Variants in DGKI observed in about 807,000 individuals in gnomAD.
The protein encoded by DGKI is DAG kinase iota.
In DGKI, 55 loss-of-function variants were observed where a neutral mutation model predicts 147.5. That is an observed-to-expected ratio of 0.37 (90% confidence interval 0.30 to 0.47). The LOEUF (loss-of-function observed/expected upper bound fraction) is 0.47. DGKI is among the 20% of genes least tolerant of loss of function. The pLI, the probability that DGKI is intolerant of heterozygous loss-of-function variation, is 1.00. For missense variants in DGKI, 1,007 were observed against 1,323.8 expected (o/e 0.76, Z 3.71); for synonymous variants, 469 against 477.1 (o/e 0.98, Z 0.22).
At chr7:137,559,272 C>T (rs1236246010) in intron 19 of DGKI, among the ~76,000 whole-genome samples, 4 of 150,800 alleles carry the variant, frequency 2.7e-5, no homozygotes, top group Admixed American at 1.3e-4. Context: ...GGGGTTTCAC[C>T]GTTATAGCCG....
At chr7:137,759,344 T>C (rs937086416) in intron 1 of DGKI, among the ~76,000 whole-genome samples, 2 of 152,138 alleles carry the variant, frequency 1.3e-5, no homozygotes, top group South Asian at 2.1e-4. Flanking sequence ...CTTTTTTTTT[T>C]TTCTTTATTT....
At chr7:137,682,829 T>C (rs1015843104) in intron 2 of DGKI, among the ~76,000 whole-genome samples, 5 of 152,182 alleles carry the variant, frequency 3.3e-5, no homozygotes, top group African/African-American at 1.2e-4. Context: ...AGTCAGGCTT[T>C]TGGAATCCTC....
chr7:137,770,474 T>C (rs922563539), intron 1 of DGKI, among the ~76,000 whole-genome samples: 6 of 150,874 alleles, frequency 4.0e-5, no homozygotes, highest in Non-Finnish European at 8.9e-5. Flanking sequence ...CCAAAACTTA[T>C]AAGTAAAACA....
chr7:137,444,141 A>T (rs1315085728), intron 27 of DGKI, 39 bp from the exon 28 acceptor site: 2 of 1,159,948 alleles, frequency 1.7e-6, no homozygotes, highest in East Asian at 2.6e-5. Context: ...ATTTTATATG[A>T]TAATTATAAT....
intron 1 of DGKI, among the ~76,000 whole-genome samples, chr7:137,838,213 C>T (rs1314631000): frequency 2.0e-5 from 3 of 151,928 alleles, no homozygotes; most frequent in African/African-American, 7.3e-5. Context: ...CCATGTTGGC[C>T]AGGATGGTCT....
chr7:137,472,622 CAT>C (rs1815026491), intron 23 of DGKI, among the ~76,000 whole-genome samples: 1 of 150,996 alleles, frequency 6.6e-6, no homozygotes, highest in Non-Finnish European at 1.5e-5. Context: ...TATATTTTGA[CAT>C]GTGTGACAAC....
At chr7:137,527,932 T>C (rs998219688) in intron 20 of DGKI, among the ~76,000 whole-genome samples, 3 of 152,244 alleles carry the variant, frequency 2.0e-5, no homozygotes, top group African/African-American at 4.8e-5. Context: ...TATGAATTTA[T>C]AGTGTGAATT....
intron 27 of DGKI, among the ~76,000 whole-genome samples, chr7:137,452,156 G>T (rs1320789118): frequency 6.6e-6 from 1 of 152,200 alleles, no homozygotes; most frequent in Non-Finnish European, 1.5e-5. Context: ...ACCTGGTGGG[G>T]AGTTGGCCAA....
intron 28 of DGKI, among the ~76,000 whole-genome samples, chr7:137,418,079 T>C (rs1427865399): frequency 6.6e-6 from 1 of 152,190 alleles, no homozygotes; most frequent in African/African-American, 2.4e-5. Context: ...ACAAAACAAA[T>C]GTCATCATGG....
In DGKI at chr7:137,521,925, T is replaced by C; in HGVS notation, c.2189A>G (p.Lys730Arg). 6.2e-7 allele frequency: 1 copy of C among 1,612,118 alleles called. No individual in the cohort carries two copies. Among genetic ancestry groups the C allele is most frequent in the Non-Finnish European group, 8.5e-7 (1 of 1,178,820 alleles). ...VPDRLRIRVN[K>R]ISLQDYEGFH... ...TCCTTCATAGTCTTGTAAACTGATT[T>C]TGTTCACCCGGATCCTCAGACGATC... The change falls in exon 21 of 33, where the codon AAA becomes AGA. Residue 730 changes from lysine to arginine, a missense_variant. This residue lies in a region of DGKI where 385 missense variants were observed against 445.2 expected (regional missense o/e 0.86). Transcript: ENST00000614521.
intron 21 of DGKI, among the ~76,000 whole-genome samples, chr7:137,494,106 A>C (rs1478766868): frequency 5.9e-4 from 90 of 152,218 alleles, no homozygotes; most frequent in Admixed American, 5.9e-3. Context: ...AGAATAACTC[A>C]GACAAATATG....
chr7:137,766,198 G>A (rs1032343416), intron 1 of DGKI, among the ~76,000 whole-genome samples: 1 of 152,118 alleles, frequency 6.6e-6, no homozygotes, highest in African/African-American at 2.4e-5. Context: ...GAACCCTCCC[G>A]TTATTCTGAG....
At chr7:137,405,871 C>T (rs1172322593) in intron 30 of DGKI, among the ~76,000 whole-genome samples, 1 of 152,122 alleles carries the variant, frequency 6.6e-6, no homozygotes, top group Non-Finnish European at 1.5e-5. Flanking sequence ...TCAACAAAGC[C>T]TCATCAAAAA....
chr7:137,521,849 A>T lies in DGKI; in HGVS notation c.2248+17T>A. On this transcript the variant is annotated intron_variant, in intron 21 of 32. Coordinates refer to ENST00000614521, the MANE Select transcript of DGKI (RefSeq NM_001321708.2). ...ATAGGCTGATCGCATGAAATCAATG[A>T]GGCACTTCCAACTTACAAGCTTCTC... The T allele has an allele frequency of 2.6e-6, 4 of 1,561,382 alleles. No homozygotes were observed. The highest frequency in any genetic ancestry group is 3.5e-6 in the Non-Finnish European group (4 of 1,133,268).
chr7:137,702,612 A>C (rs1824021393), intron 1 of DGKI, among the ~76,000 whole-genome samples: 1 of 152,120 alleles, frequency 6.6e-6, no homozygotes, highest in African/African-American at 2.4e-5. Flanking sequence ...CCCTATCCCC[A>C]TCCTTATCTC....
At chr7:137,830,372 C>T (rs962158964) in intron 1 of DGKI, among the ~76,000 whole-genome samples, 1 of 152,218 alleles carries the variant, frequency 6.6e-6, no homozygotes, top group African/African-American at 2.4e-5. Context: ...CTCAGTGCCC[C>T]CCACCACAGG....
At chr7:137,838,587 T>C (rs993268092) in intron 1 of DGKI, among the ~76,000 whole-genome samples, 1 of 152,218 alleles carries the variant, frequency 6.6e-6, no homozygotes, top group African/African-American at 2.4e-5. Context: ...TAAAATGTAC[T>C]TTGGTCCTTT....
chr7:137,597,953 G>T, intron 11 of DGKI, 46 bp from the exon 12 acceptor site: 2 of 1,562,142 alleles, frequency 1.3e-6, no homozygotes, highest in Non-Finnish European at 1.8e-6. Flanking sequence ...ACATTTCACT[G>T]GCTAGAGCAG....
chr7:137,444,929 T>A (rs116963823), intron 27 of DGKI, among the ~76,000 whole-genome samples: 3,664 of 152,286 alleles, frequency 0.024, 75 homozygotes, highest in Non-Finnish European at 0.036. Flanking sequence ...TAACATTATA[T>A]TCAGAGTTGT....
Sources: gnomAD v4.1 joint callset for allele counts (sites outside exome capture counted in the v4.1 genomes callset) on GRCh38, gnomAD v4.1.1 for gene constraint, gnomAD v4.1.1 regional missense constraint, MANE v1.5 for transcripts, NCBI Gene and HGNC (gene_info 2026-07-23, HGNC 2026-07-21) for gene names.